MAN2A1: variants seen among roughly 807,000 people sequenced by gnomAD.
The protein encoded by MAN2A1 is alpha-mannosidase 2.
Under a neutral mutation model 142.6 loss-of-function variants are expected in MAN2A1, and 76 were observed. The ratio of observed to expected loss-of-function variants is 0.53; its 90% CI spans 0.44 to 0.65. The LOEUF (loss-of-function observed/expected upper bound fraction) is 0.65, where lower values mean the gene tolerates loss of function less well. MAN2A1 is among the 30% of genes least tolerant of loss of function. MAN2A1 has a pLI of 0.00. For missense variants in MAN2A1, 1,311 were observed against 1,365.1 expected (o/e 0.96, Z 0.62); for synonymous variants, 559 against 473.2 (o/e 1.18, Z -2.35).
chr5:109,791,401 G>C (rs1041800904), intron 12 of MAN2A1, among the ~76,000 whole-genome samples: 3 of 152,126 alleles, frequency 2.0e-5, no homozygotes, highest in Non-Finnish European at 4.4e-5. Flanking sequence ...AATGATAGTG[G>C]CCTTTAAAAT....
At position 109,716,165 on chromosome 5, in the gene MAN2A1, G is replaced by C; in HGVS notation, c.436G>C (p.Gly146Arg). ...SLISFDNPDG[G>R]VWKQGFDITY... is the part of the protein sequence containing the mutation. ...AATTTCTTTTGACAATCCAGATGGT[G>C]GAGTTTGGAAGCAAGGATTTGACAT... The change falls in exon 3 of 22, where the codon GGA becomes CGA. Residue 146 changes from glycine (G) to arginine (R), a missense_variant. By Grantham distance (125) the Gly-to-Arg change is moderately radical. Transcript: ENST00000261483. The C allele has an allele frequency of 6.2e-7, 1 of 1,612,088 alleles. No homozygotes were observed. Among genetic ancestry groups the C allele is most frequent in the Non-Finnish European group, 8.5e-7 (1 of 1,178,540 alleles).
intron 5 of MAN2A1, among the ~76,000 whole-genome samples, chr5:109,767,249 G>A (rs1472736186): frequency 2.0e-5 from 3 of 152,124 alleles, no homozygotes; most frequent in African/African-American, 7.2e-5. Flanking sequence ...AATGGCAGTG[G>A]CTTTATAATA....
At chr5:109,733,845 A>C (rs1343183981) in intron 4 of MAN2A1, among the ~76,000 whole-genome samples, 1 of 152,128 alleles carries the variant, frequency 6.6e-6, no homozygotes, top group African/African-American at 2.4e-5. Flanking sequence ...TGTCTCTGTC[A>C]GGCTTTGGTA....
chr5:109,829,665 G>A (rs1365432376), intron 16 of MAN2A1, among the ~76,000 whole-genome samples: 1 of 152,100 alleles, frequency 6.6e-6, no homozygotes, highest in Non-Finnish European at 1.5e-5. Flanking sequence ...AATGTTTCAG[G>A]ATCTTGATCC....
At chr5:109,759,992 T>C (rs1319952123) in intron 5 of MAN2A1, among the ~76,000 whole-genome samples, 9 of 151,900 alleles carry the variant, frequency 5.9e-5, no homozygotes, top group Admixed American at 5.9e-4. Flanking sequence ...GATAGATAGA[T>C]AGATAGATAG....
intron 16 of MAN2A1, among the ~76,000 whole-genome samples, chr5:109,829,865 GTA>G (rs1561533379): frequency 6.6e-6 from 1 of 152,156 alleles, no homozygotes; most frequent in African/African-American, 2.4e-5. Context: ...GAAAATTGGT[GTA>G]GTCTTCGTCT....
chr5:109,838,293 T>C (rs1755110619), intron 16 of MAN2A1, among the ~76,000 whole-genome samples: 1 of 152,216 alleles, frequency 6.6e-6, no homozygotes, highest in African/African-American at 2.4e-5. Context: ...TATTTCTCTT[T>C]GTTAAAACCT....
At chr5:109,790,265 T>G (rs1473890185) in intron 12 of MAN2A1, among the ~76,000 whole-genome samples, 1 of 151,944 alleles carries the variant, frequency 6.6e-6, no homozygotes, top group East Asian at 1.9e-4. Flanking sequence ...GATAAAACAA[T>G]AATTTCAAAG....
intron 1 of MAN2A1, among the ~76,000 whole-genome samples, chr5:109,696,298 A>C (rs927251999): frequency 6.6e-6 from 1 of 151,986 alleles, no homozygotes; most frequent in Admixed American, 6.6e-5. Context: ...ACGGGGTTTC[A>C]CCATGTTGGC....
At chr5:109,694,236 A>G (rs1039571291) in intron 1 of MAN2A1, among the ~76,000 whole-genome samples, 1 of 152,256 alleles carries the variant, frequency 6.6e-6, no homozygotes, top group African/African-American at 2.4e-5. Flanking sequence ...AAGTGAAGTT[A>G]AAACTTTATC....
At chr5:109,706,751 GAAAA>G (rs11410281) in intron 1 of MAN2A1, among the ~76,000 whole-genome samples, 1 of 146,906 alleles carries the variant, frequency 6.8e-6, no homozygotes, top group African/African-American at 2.5e-5. Flanking sequence ...AGATTTGAAG[GAAAA>G]AAAAAACATA....
At chr5:109,783,149 G>C (rs1479614688) in intron 9 of MAN2A1, among the ~76,000 whole-genome samples, 2 of 152,002 alleles carry the variant, frequency 1.3e-5, no homozygotes, top group African/African-American at 2.4e-5. Context: ...AAGAATATTG[G>C]TTTATCTTAA....
At chr5:109,850,015 T>C (rs1313097617) in intron 19 of MAN2A1, among the ~76,000 whole-genome samples, 5 of 152,212 alleles carry the variant, frequency 3.3e-5, no homozygotes, top group African/African-American at 9.6e-5. Context: ...TAGTGCTTAC[T>C]TCATCAGCTG....
In MAN2A1 at chr5:109,865,047, G is replaced by T; in HGVS notation, c.3183G>T (p.Gly1061=). The T allele has an allele frequency of 6.2e-7, 1 of 1,613,652 alleles. No homozygotes were observed. ...LRTIQSKVGN[G]HSNEAALILH... ...CTGCTCATTTGCAGGTGGGCAATGG[G>T]CACTCCAATGAGGCAGCCTTGATCC... The change falls in exon 21 of 22, where the codon GGG becomes GGT. Residue 1061 remains glycine (G), a synonymous_variant. Coordinates refer to ENST00000261483, the MANE Select transcript of MAN2A1 (RefSeq NM_002372.4).
At chr5:109,746,057 C>T (rs1175950187) in intron 4 of MAN2A1, among the ~76,000 whole-genome samples, 1 of 152,224 alleles carries the variant, frequency 6.6e-6, no homozygotes, top group Non-Finnish European at 1.5e-5. Flanking sequence ...TCACTGCCAC[C>T]TCTGCCTCCC....
intron 4 of MAN2A1, among the ~76,000 whole-genome samples, chr5:109,741,637 A>G (rs555479072): frequency 4.4e-4 from 67 of 152,184 alleles, no homozygotes; most frequent in Non-Finnish European, 6.0e-4. Context: ...AAGAATACCA[A>G]TTGATTGTGG....
At position 109,729,405 on chromosome 5, in the gene MAN2A1, T is replaced by C; in HGVS notation, c.599T>C (p.Val200Ala). ...DKTQYIFNNM[V>A]LKLKEDSRRK... ...ACTCAGTATATTTTTAATAACATGG[T>C]CCTAAAGCTGAAAGAAGACTCACGG... is the stretch of plus-strand genomic sequence containing the variant. The change falls in exon 4 of 22, where the codon GTC becomes GCC. Residue 200 changes from valine to alanine, a missense_variant. This residue lies in a region of MAN2A1 where 409 missense variants were observed against 412.7 expected (regional missense o/e 0.99). Coordinates refer to ENST00000261483, the MANE Select transcript of MAN2A1 (RefSeq NM_002372.4). 6.2e-7 allele frequency: 1 copy of C among 1,606,564 alleles called. No individual in the cohort carries two copies. Among genetic ancestry groups the C allele is most frequent in the Non-Finnish European group, 8.5e-7 (1 of 1,176,130 alleles).
In MAN2A1 at chr5:109,713,728, ACTGT is replaced by A. The variant is rs1751370874; in HGVS notation, c.349_352del (p.Phe118LeufsTer19). The A allele has an allele frequency of 1.2e-6, 2 of 1,613,932 alleles. No homozygotes were observed. Among genetic ancestry groups the A allele is most frequent in the Non-Finnish European group, 1.7e-6 (2 of 1,179,984 alleles). Reference sequence around the variant, plus strand: ...TTATCCCTCTCAGTTGACACTGCAGACTGTCTGTTTGCTTCACAAAGTGGAAGTC... The same window carrying A: ...TTATCCCTCTCAGTTGACACTGCAGACTGTTTGCTTCACAAAGTGGAAGTC... On this transcript the variant is annotated frameshift_variant, in exon 2 of 22. Coordinates refer to ENST00000261483, the MANE Select transcript of MAN2A1 (RefSeq NM_002372.4). LOFTEE classifies it high-confidence loss of function.
chr5:109,796,737 C>G (rs920168024), intron 12 of MAN2A1, among the ~76,000 whole-genome samples: 1 of 152,172 alleles, frequency 6.6e-6, no homozygotes, highest in African/African-American at 2.4e-5. Flanking sequence ...GACTGAATAC[C>G]AATCAGGCAC....
Sources: gnomAD v4.1 joint callset for allele counts (sites outside exome capture counted in the v4.1 genomes callset) on GRCh38, gnomAD v4.1.1 for gene constraint, gnomAD v4.1.1 regional missense constraint, MANE v1.5 for transcripts, NCBI Gene and HGNC (gene_info 2026-07-23, HGNC 2026-07-21) for gene names.